The following IGSF9B variants were observed in gnomAD, a reference collection of about 807,000 sequenced individuals.
The protein encoded by IGSF9B is immunoglobulin superfamily member 9B, also known as protein turtle homolog B.
A neutral mutation model predicts 143.7 loss-of-function variants in IGSF9B; 48 were observed. The ratio of observed to expected loss-of-function variants is 0.33; its 90% CI spans 0.26 to 0.42. IGSF9B has a LOEUF of 0.42. IGSF9B is among the 20% of genes least tolerant of loss of function. The pLI is 1.00. For missense variants in IGSF9B, 1,706 were observed against 1,980.0 expected (o/e 0.86, Z 2.63); for synonymous variants, 903 against 833.1 (o/e 1.08, Z -1.44).
chr11:133,932,279 G>A, intron 7 of IGSF9B, 66 bp from the exon 8 acceptor site: 1 of 1,481,900 alleles, frequency 6.7e-7, no homozygotes, highest in Non-Finnish European at 9.0e-7. Context: ...ACAGACACAG[G>A]GACAGACAGA....
intron 7 of IGSF9B, among the ~76,000 whole-genome samples, chr11:133,934,406 A>T (rs945533850): frequency 6.6e-5 from 10 of 152,194 alleles, no homozygotes; most frequent in African/African-American, 1.9e-4. Context: ...ACCCCAGCAC[A>T]GCTTGGGCAC....
rs1939227218 is a variant in IGSF9B at position 133,907,517 on chromosome 11, C to T, written c.*1552G>A. ...ATTCTAAGCCAAGCCAGAAGGGGGG[C>T]TCCTACACAAGAGTGGGGGAGGGGC... On this transcript the variant is annotated 3_prime_UTR_variant, in exon 20 of 20. Coordinates refer to ENST00000533871, the MANE Select transcript of IGSF9B (RefSeq NM_001277285.4). Among the ~76,000 whole-genome samples, 1 of 152,224 alleles carries T rather than the reference C, an allele frequency of 6.6e-6. No individual in the cohort carries two copies. Among genetic ancestry groups the T allele is most frequent in the South Asian group, 2.1e-4 (1 of 4,832 alleles).
Position 133,904,973 on chromosome 11 carries a change from G to A in IGSF9B, c.*4096C>T, listed in dbSNP as rs1296425483. On this transcript the variant is annotated 3_prime_UTR_variant, in exon 20 of 20. Coordinates refer to ENST00000533871, the MANE Select transcript of IGSF9B (RefSeq NM_001277285.4). The stretch of plus-strand genomic sequence containing the variant: ...GCCTACTAGATCCACTTTATATGAA[G>A]AAGATACCCAGGCAGGGCTGGGTTA... 6.7e-6 allele frequency among the ~76,000 whole-genome samples: 1 copy of A among 149,946 alleles called. No individual in the cohort carries two copies. The highest frequency in any genetic ancestry group is 1.5e-5 in the Non-Finnish European group (1 of 67,750).
intron 18 of IGSF9B, 69 bp downstream of exon 18, chr11:133,919,673 G>A (rs1591710655): frequency 4.8e-6 from 5 of 1,036,058 alleles, no homozygotes; most frequent in Non-Finnish European, 5.3e-6. Context: ...ACGGGGTGGA[G>A]GGCAGGGCGA....
At chr11:133,947,519 G>A (rs1218568146) in intron 1 of IGSF9B, among the ~76,000 whole-genome samples, 1 of 152,192 alleles carries the variant, frequency 6.6e-6, no homozygotes, top group Admixed American at 6.5e-5. Context: ...GGGGACTCCC[G>A]CAGGGGAGGA....
In IGSF9B at chr11:133,904,100, C is replaced by T. The variant is rs544208274; in HGVS notation, c.*4969G>A. 5.3e-5 allele frequency among the ~76,000 whole-genome samples: 8 copies of T among 152,224 alleles called. No individual in the cohort carries two copies. The highest frequency in any genetic ancestry group is 2.1e-4 in the South Asian group (1 of 4,824). ...AAGAGAAAGTAAAGAGAAGGCCTCA[C>T]GAAGCCACTGTGCAACTTCATGGCC... On this transcript the variant is annotated 3_prime_UTR_variant, in exon 20 of 20. Transcript: ENST00000533871.
At position 133,953,572 on chromosome 11, in the gene IGSF9B, G is replaced by A. The variant is rs928890147; in HGVS notation, c.64+3119C>T. ...AAAAGGAAGCATAGGTCAAGGCCAG[G>A]TAGAAAGTAGAGGGCAATGGCCCAA... On this transcript the variant is annotated intron_variant, in intron 1 of 19. Coordinates refer to ENST00000533871, the MANE Select transcript of IGSF9B (RefSeq NM_001277285.4). The surrounding 1 kb of genome is among the most constrained non-coding windows in gnomAD (Gnocchi z 4.2). Among the ~76,000 whole-genome samples the A allele has an allele frequency of 2.0e-5, 3 of 152,354 alleles. No homozygotes were observed. Among genetic ancestry groups the A allele is most frequent in the East Asian group, 3.9e-4 (2 of 5,176 alleles).
chr11:133,913,336 A>G lies in IGSF9B; in HGVS notation c.3984-1329T>C, dbSNP rs1192371305. On this transcript the variant is annotated intron_variant, in intron 18 of 19. Transcript: ENST00000533871. The surrounding 1 kb of genome is among the most constrained non-coding windows in gnomAD (Gnocchi z 4.6). ...AAGCGGTCTGAGGTTAAAAAAAAAA[A>G]TGTTAAGAGGGATAGGAAGCCTGCA... is the stretch of plus-strand genomic sequence containing the variant. 6.6e-6 allele frequency among the ~76,000 whole-genome samples: 1 copy of G among 152,072 alleles called. No individual in the cohort carries two copies. Among genetic ancestry groups the G allele is most frequent in the Non-Finnish European group, 1.5e-5 (1 of 67,996 alleles).
Position 133,920,738 on chromosome 11 carries a change from A to G in IGSF9B, c.2987T>C (p.Met996Thr). 6.2e-7 allele frequency: 1 copy of G among 1,612,998 alleles called. No homozygotes were observed. Among genetic ancestry groups the G allele is most frequent in the Non-Finnish European group, 8.5e-7 (1 of 1,179,624 alleles). Residue 996 changes from methionine (M) to threonine (T), a missense_variant, in exon 18 of 20, where the codon ATG becomes ACG. Around this residue, in one of 7 missense-constraint regions of IGSF9B, gnomAD observed 880 missense variants for 762.9 expected, o/e 1.15. Coordinates refer to ENST00000533871, the MANE Select transcript of IGSF9B (RefSeq NM_001277285.4). ...PEVGSPLSSV[M>T]SSPPLPTEGP... ...CTCGGTGGGCAGGGGCGGGGACGAC[A>G]TGACGGAGCTCAGGGGGCTGCCCAC...
At position 133,917,928 on chromosome 11, in the gene IGSF9B, G is replaced by A. The variant is rs538908576; in HGVS notation, c.3983+1814C>T. Among the ~76,000 whole-genome samples the A allele has an allele frequency of 1.3e-4, 20 of 152,108 alleles. No individual in the cohort carries two copies. In the South Asian group the frequency reaches 4.2e-3, roughly 32 times the overall value. On this transcript the variant is annotated intron_variant, in intron 18 of 19. Coordinates refer to ENST00000533871, the MANE Select transcript of IGSF9B (RefSeq NM_001277285.4). ...CTCGGGTGTTCTGGGCCCCTTCGGG[G>A]TGCATGCAGGGCCCCAGGGCTTCTG... is the stretch of plus-strand genomic sequence containing the variant.
Position 133,901,104 on chromosome 11 carries a change from C to CTTGGG in IGSF9B, c.*7964_*7965insCCCAA, listed in dbSNP as rs1234189610. 7.2e-5 allele frequency: 11 copies of CTTGGG among 152,264 alleles called. No homozygotes were observed. The highest frequency in any genetic ancestry group is 1.5e-4 in the Non-Finnish European group (10 of 68,060). 9.4% of individuals were successfully genotyped at this position (152,264 alleles called of 1,614,324 possible). A position where few individuals can be genotyped will look rare whatever the true frequency, so the allele number is the denominator to read the frequency against. On this transcript the variant is annotated 3_prime_UTR_variant, in exon 20 of 20. Transcript: ENST00000533871. Reference sequence around the variant, plus strand: ...AACATCCCTCCCAAGTGGCAAGAGACACATTGGTCCTGGTTCTTTAGGGCT... The same window carrying CTTGGG: ...AACATCCCTCCCAAGTGGCAAGAGACTTGGGACATTGGTCCTGGTTCTTTAGGGCT...
At chr11:133,912,060 TG>T in intron 18 of IGSF9B, 53 bp from the exon 19 acceptor site, 2 of 1,484,746 alleles carry the variant, frequency 1.3e-6, no homozygotes, top group Non-Finnish European at 1.8e-6. Flanking sequence ...TGTGAGGCTT[TG>T]GAAGAGGGGC....
At position 133,920,763 on chromosome 11, in the gene IGSF9B, C is replaced by T. The variant is rs1939514903; in HGVS notation, c.2962G>A (p.Val988Met). 1.2e-6 allele frequency: 2 copies of T among 1,612,346 alleles called. No homozygotes were observed. Among genetic ancestry groups the T allele is most frequent in the Non-Finnish European group, 1.7e-6 (2 of 1,179,394 alleles). Residue 988 changes from valine to methionine, a missense_variant, in exon 18 of 20, where the codon GTG becomes ATG. Val to Met is a conservative substitution (Grantham distance 21). This residue lies in a region of IGSF9B where 880 missense variants were observed against 762.9 expected (regional missense o/e 1.15). Transcript: ENST00000533871. ...VEPPPFYVPE[V>M]GSPLSSVMSS... Reference sequence around the variant, plus strand: ...ATGACGGAGCTCAGGGGGCTGCCCACTTCTGGCACGTAGAACGGGGGCGGC... The same window carrying T: ...ATGACGGAGCTCAGGGGGCTGCCCATTTCTGGCACGTAGAACGGGGGCGGC...
chr11:133,921,575 CTT>C, intron 17 of IGSF9B, among the ~76,000 whole-genome samples, 178 bp from the exon 18 acceptor site: 1 of 149,074 alleles, frequency 6.7e-6, no homozygotes, highest in Non-Finnish European at 1.5e-5. Flanking sequence ...GTGAATCCTC[CTT>C]TTTTTTTTAA....
intron 1 of IGSF9B, among the ~76,000 whole-genome samples, chr11:133,951,602 G>A (rs75419456): frequency 0.012 from 1,870 of 152,302 alleles, 40 homozygotes; most frequent in African/African-American, 0.043. Flanking sequence ...TTCCCCAGGA[G>A]CCACTGGCAG....
chr11:133,944,330 A>T lies in IGSF9B; in HGVS notation c.299T>A (p.Leu100Gln). 6.2e-7 allele frequency: 1 copy of T among 1,613,976 alleles called. No homozygotes were observed. Among genetic ancestry groups the T allele is most frequent in the Non-Finnish European group, 8.5e-7 (1 of 1,179,890 alleles). ...ASLHDKASLR[L>Q]EQVRSEDQGW... is the part of the protein sequence containing the mutation. The stretch of plus-strand genomic sequence containing the variant: ...CTGGTCCTCAGAGCGAACTTGTTCC[A>T]GCCGCAGAGATGCCTTATCATGAAG... The change falls in exon 3 of 20, where the codon CTG becomes CAG. Residue 100 changes from leucine to glutamine, a missense_variant. By Grantham distance (113) the Leu-to-Gln change is moderately radical. Around this residue, in one of 7 missense-constraint regions of IGSF9B, gnomAD observed 171 missense variants for 213.9 expected, o/e 0.80. Coordinates refer to ENST00000533871, the MANE Select transcript of IGSF9B (RefSeq NM_001277285.4).
In IGSF9B at chr11:133,931,739, C is replaced by G; in HGVS notation, c.1167G>C (p.Glu389Asp). The G allele has an allele frequency of 6.2e-7, 1 of 1,611,674 alleles. No homozygotes were observed. Among genetic ancestry groups the G allele is most frequent in the East Asian group, 2.2e-5 (1 of 44,858 alleles). Reference protein sequence around the residue: ...DGSIRIEEATEEALGTYTCVP... With the variant: ...DGSIRIEEATDEALGTYTCVP... ...CACAGGTATAAGTGCCAAGAGCCTC[C>G]TCTGTGGCCTCCTCAATTCGAATGG... The change falls in exon 9 of 20, where the codon GAG becomes GAC. Residue 389 changes from glutamate to aspartate, a missense_variant. Transcript: ENST00000533871. The surrounding 1 kb of genome is among the most constrained non-coding windows in gnomAD (Gnocchi z 7.7).
In IGSF9B at chr11:133,908,235, G is replaced by C. The variant is rs533690172; in HGVS notation, c.*834C>G. Among the ~76,000 whole-genome samples, 472 of 152,316 alleles carry C rather than the reference G, an allele frequency of 3.1e-3. 5 individuals carry two copies. The South Asian group carries it at 0.037, about 12-fold the overall frequency. On this transcript the variant is annotated 3_prime_UTR_variant, in exon 20 of 20. Coordinates refer to ENST00000533871, the MANE Select transcript of IGSF9B (RefSeq NM_001277285.4). ...GCAGCGTGAGCCACGCTGGAAGGAA[G>C]AAAGATGCAGGTCTAGGAGCCTGGC...
rs1421263362 is a variant in IGSF9B at position 133,911,955 on chromosome 11, G to C, written c.4036C>G (p.Leu1346Val). 4 of 1,534,928 alleles carry C rather than the reference G, an allele frequency of 2.6e-6. No homozygotes were observed. The highest frequency in any genetic ancestry group is 3.5e-6 in the Non-Finnish European group (4 of 1,146,562). ...GGCTTCTTTATCCGTTGGTATTTCAGAGCCTCCAGCCTCTCAGGCGCAGCA... is the reference window on the plus strand; with the variant it reads ...GGCTTCTTTATCCGTTGGTATTTCACAGCCTCCAGCCTCTCAGGCGCAGCA... ...NAAAPERLEA[L>V]KYQRIKKPKK... Residue 1346 changes from leucine (L) to valine (V), a missense_variant, in exon 19 of 20, where the codon CTG becomes GTG. Around this residue, in one of 7 missense-constraint regions of IGSF9B, gnomAD observed 880 missense variants for 762.9 expected, o/e 1.15. Coordinates refer to ENST00000533871, the MANE Select transcript of IGSF9B (RefSeq NM_001277285.4).
Sources: allele counts gnomAD v4.1 joint callset (sites outside exome capture counted in the v4.1 genomes callset), GRCh38; gene constraint gnomAD v4.1.1; regional missense constraint gnomAD v4.1.1; non-coding constraint Gnocchi (gnomAD v3.1); transcripts MANE v1.5; gene names NCBI Gene and HGNC (gene_info 2026-07-23, HGNC 2026-07-21).